CNTN5: variants seen among roughly 807,000 people sequenced by gnomAD.
CNTN5 encodes the protein contactin 5.
CNTN5 carries 77 observed loss-of-function variants against 129.1 expected under a neutral mutation model. The observed-to-expected ratio is 0.60, with a 90% CI of 0.50 to 0.72. The LOEUF (loss-of-function observed/expected upper bound fraction) is 0.72, where lower values mean the gene tolerates loss of function less well. CNTN5 is among the 30% of genes least tolerant of loss of function. The pLI is 0.00. For synonymous variants in CNTN5, 509 were observed against 465.6 expected (o/e 1.09, Z -1.20); for missense variants, 1,478 against 1,328.8 (o/e 1.11, Z -1.75).
intron 3 of CNTN5, among the ~76,000 whole-genome samples, chr11:99,754,698 C>G (rs138765914): frequency 6.6e-6 from 1 of 152,246 alleles, no homozygotes; most frequent in African/African-American, 2.4e-5. Context: ...CAGAGCCTCC[C>G]TATCATTGAC....
chr11:99,155,584 ATTT>A (rs1187429583), intron 1 of CNTN5, among the ~76,000 whole-genome samples: 1 of 152,070 alleles, frequency 6.6e-6, no homozygotes, highest in Admixed American at 6.6e-5. Flanking sequence ...GCTTTGTTCA[ATTT>A]TTTATAGTTG....
chr11:99,889,311 TGTGTGTGTGTGTGTGTG>T (rs1948986248), intron 6 of CNTN5, among the ~76,000 whole-genome samples: 9 of 110,844 alleles, frequency 8.1e-5, no homozygotes, highest in South Asian at 8.4e-4. Flanking sequence ...TGTGTGTGTG[TGTGTGTGTGTGTGTGTG>T]TGTGTGTGTG....
intron 13 of CNTN5, among the ~76,000 whole-genome samples, chr11:100,124,855 C>T (rs909313667): frequency 6.6e-6 from 1 of 151,924 alleles, no homozygotes; most frequent in African/African-American, 2.4e-5. Flanking sequence ...GTATATAAAC[C>T]AAGGTTCTTC....
rs1942236012 is a variant in CNTN5, at chr11:99,408,494, G to GAA, written c.-71+83012_-71+83013dup. 2.0e-5 allele frequency among the ~76,000 whole-genome samples: 3 copies of GAA among 146,592 alleles called. No individual in the cohort carries two copies. The South Asian group carries it at 6.8e-4, about 33-fold the overall frequency. On this transcript the variant is annotated intron_variant, in intron 2 of 24. Coordinates refer to ENST00000524871, the MANE Select transcript of CNTN5 (RefSeq NM_014361.4). ...AGAAAGAAAGAAAGAAAGAAAGAAA[G>GAA]AAAGAAAGAAAGTTAGTTCATAGAA...
chr11:99,334,908 G>A lies in CNTN5; in HGVS notation c.-71+9424G>A, dbSNP rs562371417. Among the ~76,000 whole-genome samples the A allele has an allele frequency of 2.0e-5, 3 of 151,140 alleles. No homozygotes were observed. The East Asian group carries it at 5.9e-4, about 30-fold the overall frequency. ...TTCTAATACACATTGTTTCTGTATT[G>A]CCTGATTTGAGTAGGAGTTATTTGA... On this transcript the variant is annotated intron_variant, in intron 2 of 24. Coordinates refer to ENST00000524871, the MANE Select transcript of CNTN5 (RefSeq NM_014361.4).
At chr11:99,819,308 CCCTCT>C (rs1565566848) in intron 3 of CNTN5, among the ~76,000 whole-genome samples, 2 of 30,530 alleles carry the variant, frequency 6.6e-5, no homozygotes, top group African/African-American at 1.4e-4. Flanking sequence ...CCCTTCCCTC[CCCTCT>C]CCTCCCCTCC....
intron 3 of CNTN5, among the ~76,000 whole-genome samples, chr11:99,703,706 G>T (rs548625800): frequency 6.6e-6 from 1 of 151,002 alleles, no homozygotes; most frequent in South Asian, 2.1e-4. Context: ...TGTTCTATTA[G>T]TTCAATATGA....
chr11:99,231,597 G>C (rs1476905507), intron 1 of CNTN5, among the ~76,000 whole-genome samples: 1 of 152,066 alleles, frequency 6.6e-6, no homozygotes, highest in Non-Finnish European at 1.5e-5. Flanking sequence ...CATTCTGTAG[G>C]TTGTCTGTTC....
intron 1 of CNTN5, among the ~76,000 whole-genome samples, chr11:99,172,538 T>A (rs540117261): frequency 6.6e-6 from 1 of 152,308 alleles, no homozygotes; most frequent in Non-Finnish European, 1.5e-5. Flanking sequence ...TACATTAACA[T>A]CTCTGAAGCT....
At chr11:100,063,068 A>G (rs75845469) in intron 10 of CNTN5, among the ~76,000 whole-genome samples, 4,415 of 152,244 alleles carry the variant, frequency 0.029, 96 homozygotes, top group African/African-American at 0.066. Context: ...TCTGAAGGCT[A>G]TCAGAGGAAA....
In CNTN5 at chr11:99,941,039, G is replaced by T. The variant is rs141243930; in HGVS notation, c.674-15767G>T. 6.8e-4 allele frequency among the ~76,000 whole-genome samples: 104 copies of T among 152,176 alleles called. No homozygotes were observed. The South Asian group carries it at 0.01, about 15-fold the overall frequency. ...TTGGGACATAGAAATGTGCTTACAG[G>T]TCTTCCAGTTCATTTAAAAATTTTA... On this transcript the variant is annotated intron_variant, in intron 7 of 24. Transcript: ENST00000524871.
intron 3 of CNTN5, among the ~76,000 whole-genome samples, chr11:99,795,710 G>C (rs1028806243): frequency 3.3e-5 from 5 of 151,682 alleles, no homozygotes; most frequent in African/African-American, 9.7e-5. Flanking sequence ...TGTGGTATTA[G>C]ATGGATTCAC....
chr11:100,233,227 T>C (rs866113672), intron 16 of CNTN5, among the ~76,000 whole-genome samples: 2 of 151,710 alleles, frequency 1.3e-5, no homozygotes, highest in Middle Eastern at 3.4e-3. Flanking sequence ...TGAAAAATAA[T>C]ACATGTTTGT....
chr11:99,375,824 G>T (rs1940145931), intron 2 of CNTN5, among the ~76,000 whole-genome samples: 1 of 152,126 alleles, frequency 6.6e-6, no homozygotes, highest in African/African-American at 2.4e-5. Context: ...AGCACACATA[G>T]TCACTTCCAC....
intron 13 of CNTN5, among the ~76,000 whole-genome samples, chr11:100,105,927 G>A (rs1945414888): frequency 6.6e-6 from 1 of 152,042 alleles, no homozygotes; most frequent in South Asian, 2.1e-4. Flanking sequence ...TCATAACATT[G>A]GCCCCATTTT....
At chr11:99,724,188 G>C (rs1226068187) in intron 3 of CNTN5, among the ~76,000 whole-genome samples, 2 of 152,122 alleles carry the variant, frequency 1.3e-5, no homozygotes, top group Non-Finnish European at 2.9e-5. Context: ...TATGCCTATT[G>C]AAATCCTGCT....
At chr11:99,118,736 A>G (rs1296419216) in intron 1 of CNTN5, among the ~76,000 whole-genome samples, 1 of 152,066 alleles carries the variant, frequency 6.6e-6, no homozygotes, top group Non-Finnish European at 1.5e-5. Flanking sequence ...ATTTAAAAAG[A>G]AGTTTGAAGA....
At chr11:99,145,687 G>C (rs184927622) in intron 1 of CNTN5, among the ~76,000 whole-genome samples, 1 of 152,112 alleles carries the variant, frequency 6.6e-6, no homozygotes, top group East Asian at 1.9e-4. Flanking sequence ...GTAGGTAAAA[G>C]ACATGTCAGC....
intron 2 of CNTN5, among the ~76,000 whole-genome samples, chr11:99,405,190 C>T (rs1942017630): frequency 6.6e-6 from 1 of 151,986 alleles, no homozygotes; most frequent in Admixed American, 6.6e-5. Context: ...TATTAAATTT[C>T]TTGAGGTAGG....
Sources: allele counts gnomAD v4.1 joint callset (sites outside exome capture counted in the v4.1 genomes callset), GRCh38; gene constraint gnomAD v4.1.1; transcripts MANE v1.5; gene names NCBI Gene and HGNC (gene_info 2026-07-23, HGNC 2026-07-21).